CTNNAL1: variants seen among roughly 807,000 people sequenced by gnomAD.
The protein encoded by CTNNAL1 is catenin alpha like 1, also known as alpha-catulin.
In CTNNAL1, 69 loss-of-function variants were observed where a neutral mutation model predicts 93.6. The observed-to-expected ratio is 0.74, with a 90% CI of 0.61 to 0.90. The LOEUF (loss-of-function observed/expected upper bound fraction) is 0.90, where lower values mean the gene tolerates loss of function less well. Ranked by LOEUF, CTNNAL1 falls within the 40% of genes least tolerant of loss-of-function variation. The pLI, the probability that CTNNAL1 is intolerant of heterozygous loss-of-function variation, is 0.00. For missense variants in CTNNAL1, 836 were observed against 862.0 expected (o/e 0.97, Z 0.38); for synonymous variants, 286 against 305.4 (o/e 0.94, Z 0.66).
intron 8 of CTNNAL1, among the ~76,000 whole-genome samples, chr9:108,973,156 ATACCC>A (rs1247405068): frequency 6.6e-6 from 1 of 152,162 alleles, no homozygotes; most frequent in Non-Finnish European, 1.5e-5. Context: ...CAATGGCTGA[ATACCC>A]TTGTCCCTTT....
intron 11 of CTNNAL1, among the ~76,000 whole-genome samples, chr9:108,962,386 AT>A (rs765902431): frequency 3.9e-5 from 6 of 151,964 alleles, no homozygotes; most frequent in Non-Finnish European, 8.8e-5. Flanking sequence ...TTCCCTAGCT[AT>A]TTTTTTTAAA....
At chr9:108,977,261 TG>T (rs1831293156) in intron 7 of CTNNAL1, 1 of 311,138 alleles carries the variant, frequency 3.2e-6, no homozygotes, top group Non-Finnish European at 5.8e-6. Flanking sequence ...GATGAACTTC[TG>T]TTTTTTTATT....
chr9:108,972,984 G>T, intron 8 of CTNNAL1, 151 bp from the exon 9 acceptor site: 1 of 931,708 alleles, frequency 1.1e-6, no homozygotes. Flanking sequence ...CAGTTCCATG[G>T]GTTCCACTGA....
At chr9:109,007,005 G>A (rs1293092602) in intron 1 of CTNNAL1, among the ~76,000 whole-genome samples, 3 of 152,190 alleles carry the variant, frequency 2.0e-5, no homozygotes, top group Non-Finnish European at 4.4e-5. Flanking sequence ...GATCACCTGA[G>A]GTCAGGAGTT....
rs762118540 is a variant in CTNNAL1 at position 108,990,821 on chromosome 9, C to T, written c.544G>A (p.Glu182Lys). ...NKVLATMERL[E>K]KVNSFQEFVQ... The stretch of plus-strand genomic sequence containing the variant: ...AACTCTTGAAAGCTATTCACTTTCT[C>T]TAGTCTTTCCATAGTTGCGAGAACC... The change falls in exon 4 of 19, where the codon GAG (glutamate) becomes AAG (lysine). Residue 182 changes from glutamate to lysine, a missense_variant. Physicochemically the swap from Glu to Lys is moderately conservative, Grantham distance 56. Coordinates refer to ENST00000325551, the MANE Select transcript of CTNNAL1 (RefSeq NM_003798.4). 3 of 1,613,296 alleles carry T rather than the reference C, an allele frequency of 1.9e-6. No homozygotes were observed.
chr9:108,999,781 G>C lies in CTNNAL1; in HGVS notation c.142-525C>G, dbSNP rs191610641. 2.0e-5 allele frequency among the ~76,000 whole-genome samples: 3 copies of C among 152,238 alleles called. No individual in the cohort carries two copies. In the East Asian group the frequency reaches 5.8e-4, roughly 29 times the overall value. ...CATTGTAATCTATATTTCACATTTTGCTAAGTTTTGTTGCATCCGACTCAA... is the reference window on the plus strand; with the variant it reads ...CATTGTAATCTATATTTCACATTTTCCTAAGTTTTGTTGCATCCGACTCAA... On this transcript the variant is annotated intron_variant, in intron 1 of 18. Coordinates refer to ENST00000325551, the MANE Select transcript of CTNNAL1 (RefSeq NM_003798.4).
intron 15 of CTNNAL1, among the ~76,000 whole-genome samples, chr9:108,945,641 T>TG (rs1253896987): frequency 5.4e-5 from 8 of 148,282 alleles, no homozygotes; most frequent in African/African-American, 1.8e-4. Flanking sequence ...TTTTTTTTTT[T>TG]TGTTTTGTTT....
chr9:108,947,314 C>T (rs796776238), intron 15 of CTNNAL1, among the ~76,000 whole-genome samples: 92 of 152,120 alleles, frequency 6.0e-4, no homozygotes, highest in African/African-American at 2.1e-3. Context: ...AGGGTTCCAC[C>T]GTGTTAGCCA....
At chr9:108,948,046 T>C in intron 15 of CTNNAL1, 140 bp downstream of exon 15, 1 of 988,174 alleles carries the variant, frequency 1.0e-6, no homozygotes, top group South Asian at 1.6e-5. Flanking sequence ...ACCTTTCTAC[T>C]TTTCTACTGC....
intron 1 of CTNNAL1, among the ~76,000 whole-genome samples, chr9:109,007,545 G>A (rs1423654078): frequency 6.6e-6 from 1 of 152,138 alleles, no homozygotes; most frequent in Non-Finnish European, 1.5e-5. Context: ...TTGGATAAAA[G>A]CATTATAAGA....
At chr9:108,987,971 C>T (rs1057297440) in intron 4 of CTNNAL1, among the ~76,000 whole-genome samples, 56 of 152,194 alleles carry the variant, frequency 3.7e-4, no homozygotes, top group African/African-American at 1.4e-3. Context: ...ATGTCATCTG[C>T]AAACAGGGAC....
chr9:108,945,470 T>G (rs538184423), intron 15 of CTNNAL1, among the ~76,000 whole-genome samples: 46 of 151,298 alleles, frequency 3.0e-4, no homozygotes, highest in African/African-American at 1.1e-3. Flanking sequence ...TTCCTTTTTT[T>G]TTTTTTTTTG....
At chr9:109,010,771 A>T (rs1219698862) in intron 1 of CTNNAL1, among the ~76,000 whole-genome samples, 1 of 152,240 alleles carries the variant, frequency 6.6e-6, no homozygotes, top group East Asian at 1.9e-4. Context: ...AAGAAGCTAG[A>T]TGATACCAGA....
At chr9:108,949,309 G>A (rs1830492689) in intron 14 of CTNNAL1, among the ~76,000 whole-genome samples, 1 of 152,138 alleles carries the variant, frequency 6.6e-6, no homozygotes, top group African/African-American at 2.4e-5. Context: ...GTTTCCCAGT[G>A]TCCATGGGAT....
chr9:108,989,683 C>T (rs964935188), intron 4 of CTNNAL1, among the ~76,000 whole-genome samples: 10 of 152,148 alleles, frequency 6.6e-5, no homozygotes, highest in Non-Finnish European at 1.2e-4. Context: ...AAAAGTCAAT[C>T]CTAGACATAA....
intron 6 of CTNNAL1, among the ~76,000 whole-genome samples, chr9:108,982,575 A>G (rs1831467040): frequency 6.6e-6 from 1 of 152,236 alleles, no homozygotes; most frequent in African/African-American, 2.4e-5. Context: ...AGGAGGCTAC[A>G]GCTAAACCAT....
intron 15 of CTNNAL1, among the ~76,000 whole-genome samples, chr9:108,944,626 G>A (rs947151146): frequency 2.0e-5 from 3 of 152,166 alleles, no homozygotes; most frequent in Non-Finnish European, 4.4e-5. Context: ...TAAGACAGAA[G>A]TATTTAGCAT....
intron 11 of CTNNAL1, among the ~76,000 whole-genome samples, chr9:108,962,835 T>A (rs1830854446): frequency 1.3e-5 from 2 of 152,230 alleles, no homozygotes; most frequent in African/African-American, 4.8e-5. Flanking sequence ...CCATATTAGG[T>A]AGTTTTGTCA....
intron 8 of CTNNAL1, 31 bp from the exon 9 acceptor site, chr9:108,972,864 G>GGGCCCCCC: frequency 3.4e-4 from 48 of 142,344 alleles, no homozygotes; most frequent in Middle Eastern, 1.9e-3. Context: ...GGGGGGGTGG[G>GGGCCCCCC]AGGGTGGAGA....
Sources: gnomAD v4.1 joint callset for allele counts (sites outside exome capture counted in the v4.1 genomes callset) on GRCh38, gnomAD v4.1.1 for gene constraint, MANE v1.5 for transcripts, NCBI Gene and HGNC (gene_info 2026-07-23, HGNC 2026-07-21) for gene names.